ORC2: variants seen among roughly 807,000 people sequenced by gnomAD.
ORC2 encodes origin recognition complex subunit 2.
Under a neutral mutation model 77.7 loss-of-function variants are expected in ORC2, and 37 were observed. That is an observed-to-expected ratio of 0.48 (90% CI 0.37 to 0.63). The LOEUF is 0.63. ORC2 is among the 20% of genes least tolerant of loss of function. The pLI, the probability that ORC2 is intolerant of heterozygous loss-of-function variation, is 0.00. For missense variants in ORC2, 557 were observed against 661.9 expected, an observed-to-expected ratio of 0.84 and a Z score of 1.74; for synonymous variants, 201 against 229.5, an observed-to-expected ratio of 0.88 and a Z score of 1.12.
At chr2:200,916,380 G>A (rs2124932292) in intron 15 of ORC2, among the ~76,000 whole-genome samples, 1 of 152,130 alleles carries the variant, frequency 6.6e-6, no homozygotes, top group African/African-American at 2.4e-5. Context: ...CTACTTGTGG[G>A]ATGCTGAGGC....
intron 4 of ORC2, among the ~76,000 whole-genome samples, chr2:200,952,091 T>TGACC (rs2041367672): frequency 6.6e-6 from 1 of 152,128 alleles, no homozygotes; most frequent in African/African-American, 2.4e-5. Flanking sequence ...CACCATTTAC[T>TGACC]GACCAGTTCA....
intron 13 of ORC2, among the ~76,000 whole-genome samples, chr2:200,922,306 GAAGA>G (rs1156353478): frequency 2.8e-5 from 4 of 143,594 alleles, no homozygotes; most frequent in African/African-American, 1.0e-4. Flanking sequence ...GGCTTGGTAA[GAAGA>G]AAGTTACAGG....
chr2:200,960,824 T>C (rs1360625443), intron 1 of ORC2, among the ~76,000 whole-genome samples: 1 of 152,172 alleles, frequency 6.6e-6, no homozygotes, highest in Admixed American at 6.5e-5. Flanking sequence ...TGTCCCAGGC[T>C]GGAGTGCAGA....
intron 1 of ORC2, among the ~76,000 whole-genome samples, chr2:200,959,827 G>A (rs931293145): frequency 1.3e-5 from 2 of 151,996 alleles, no homozygotes; most frequent in Admixed American, 1.3e-4. Flanking sequence ...TGCTTTGGGA[G>A]GCTGAGGCAG....
At chr2:200,921,351 C>T (rs1323465204) in intron 13 of ORC2, 4 of 284,630 alleles carry the variant, frequency 1.4e-5, no homozygotes, top group Non-Finnish European at 2.6e-5. Flanking sequence ...GACGGGGTCT[C>T]ACTAAGTTGC....
intron 7 of ORC2, among the ~76,000 whole-genome samples, chr2:200,939,693 T>A (rs113257945): frequency 6.6e-6 from 1 of 152,230 alleles, no homozygotes; most frequent in Non-Finnish European, 1.5e-5. Context: ...CTCTTGAACT[T>A]GCTTTTCTAA....
intron 5 of ORC2, among the ~76,000 whole-genome samples, chr2:200,947,661 A>AT (rs2041273999): frequency 6.6e-6 from 1 of 152,046 alleles, no homozygotes; most frequent in African/African-American, 2.4e-5. Flanking sequence ...CACATATATT[A>AT]TTTCCCTTCC....
chr2:200,919,110 T>C (rs1047360283), intron 15 of ORC2, among the ~76,000 whole-genome samples: 5 of 152,208 alleles, frequency 3.3e-5, no homozygotes, highest in African/African-American at 1.2e-4. Flanking sequence ...GATTACAGGC[T>C]TGAGCCACTG....
intron 8 of ORC2, among the ~76,000 whole-genome samples, chr2:200,937,253 T>C (rs2041064380): frequency 6.6e-6 from 1 of 152,192 alleles, no homozygotes; most frequent in Non-Finnish European, 1.5e-5. Context: ...ACATGGGATA[T>C]AGTTGACATG....
intron 1 of ORC2, among the ~76,000 whole-genome samples, chr2:200,960,638 T>TTA (rs897573643): frequency 6.6e-6 from 1 of 152,166 alleles, no homozygotes. Context: ...ATCTCTCTCT[T>TTA]TATATATATA....
At position 200,924,979 on chromosome 2, in the gene ORC2, C is replaced by T. The variant is rs2040818591; in HGVS notation, c.1147+857G>A. 2.6e-5 allele frequency among the ~76,000 whole-genome samples: 4 copies of T among 152,212 alleles called. No homozygotes were observed. The South Asian group carries it at 8.3e-4, about 32-fold the overall frequency. On this transcript the variant is annotated intron_variant, in intron 13 of 17. Transcript: ENST00000234296. ...TTCACCATATTGGCCAGGCTGGTCTCGAACTCCTGACCTCAGGTGACCCAC... is the reference window on the plus strand; with the variant it reads ...TTCACCATATTGGCCAGGCTGGTCTTGAACTCCTGACCTCAGGTGACCCAC...
intron 12 of ORC2, among the ~76,000 whole-genome samples, 174 bp downstream of exon 12, chr2:200,926,594 G>A (rs1406336194): frequency 2.0e-5 from 3 of 152,140 alleles, no homozygotes; most frequent in African/African-American, 7.2e-5. Flanking sequence ...TAGGACATTC[G>A]AAGATGGTTT....
intron 7 of ORC2, among the ~76,000 whole-genome samples, chr2:200,939,542 C>T (rs2041109485): frequency 6.6e-6 from 1 of 152,172 alleles, no homozygotes; most frequent in Non-Finnish European, 1.5e-5. Flanking sequence ...TCAAGATACA[C>T]TTTAAGACAC....
chr2:200,930,421 A>G (rs765787625), intron 11 of ORC2, among the ~76,000 whole-genome samples: 21 of 152,336 alleles, frequency 1.4e-4, no homozygotes, highest in Middle Eastern at 3.4e-3. Flanking sequence ...AGAGCTTACA[A>G]ATTTATAATG....
At chr2:200,915,526 AT>A (rs1488922369) in intron 15 of ORC2, among the ~76,000 whole-genome samples, 1 of 152,210 alleles carries the variant, frequency 6.6e-6, no homozygotes, top group African/African-American at 2.4e-5. Context: ...ATTTTGAATT[AT>A]TCCATGGAAG....
intron 15 of ORC2, 152 bp from the exon 16 acceptor site, chr2:200,914,144 A>C (rs2040598934): frequency 1.8e-6 from 1 of 551,204 alleles, no homozygotes; most frequent in Non-Finnish European, 3.2e-6. Context: ...TTGCCTACTT[A>C]AACAGAAAGC....
chr2:200,958,219 T>C, intron 2 of ORC2, 86 bp from the exon 3 acceptor site: 1 of 725,598 alleles, frequency 1.4e-6, no homozygotes, highest in Non-Finnish European at 2.4e-6. Context: ...AATACATGTC[T>C]TTATCTAATA....
intron 15 of ORC2, 136 bp downstream of exon 15, chr2:200,920,085 AG>A: frequency 1.7e-6 from 1 of 587,804 alleles, no homozygotes; most frequent in Non-Finnish European, 2.8e-6. Flanking sequence ...TCCATAATCC[AG>A]TACTGGTAAC....
At chr2:200,957,364 T>C (rs1343855364) in intron 4 of ORC2, 37 bp downstream of exon 4, 2 of 1,500,618 alleles carry the variant, frequency 1.3e-6, no homozygotes, top group Middle Eastern at 1.8e-4. Context: ...TTTCTGCTAC[T>C]AGCAGAAACG....
Sources: allele counts gnomAD v4.1 joint callset (sites outside exome capture counted in the v4.1 genomes callset), GRCh38; gene constraint gnomAD v4.1.1; transcripts MANE v1.5; gene names NCBI Gene and HGNC (gene_info 2026-07-23, HGNC 2026-07-21).